FNTB: variants seen among roughly 807,000 people sequenced by gnomAD.
FNTB encodes the protein protein farnesyltransferase subunit beta.
Under a neutral mutation model 59.4 loss-of-function variants are expected in FNTB, and 27 were observed. The observed-to-expected ratio is 0.45, with a 90% CI of 0.34 to 0.63. The LOEUF (loss-of-function observed/expected upper bound fraction) is 0.63, where lower values mean the gene tolerates loss of function less well. Ranked by LOEUF, FNTB falls within the 20% of genes least tolerant of loss-of-function variation. FNTB has a pLI of 0.02. For missense variants in FNTB, 449 were observed against 559.6 expected (o/e 0.80, Z 1.99); for synonymous variants, 230 against 220.7 (o/e 1.04, Z -0.37).
intron 3 of FNTB, among the ~76,000 whole-genome samples, chr14:65,013,747 C>T (rs1268495124): frequency 6.6e-6 from 1 of 152,144 alleles, no homozygotes; most frequent in Non-Finnish European, 1.5e-5. Flanking sequence ...AGGGTTTCAC[C>T]ATATTGGCCA....
rs1000210670 is a variant in FNTB, at chr14:64,991,292, TAGAG to T, written c.144+4199_144+4202del. Among the ~76,000 whole-genome samples, 18 of 152,218 alleles carry T rather than the reference TAGAG, an allele frequency of 1.2e-4. No homozygotes were observed. The highest frequency in any genetic ancestry group is 3.9e-4 in the East Asian group (2 of 5,182). ...CCCTGCCCTCAAAATTCTTTTATCT[TAGAG>T]AGATAAAAAAGAATATGCTGTAAGG... On this transcript the variant is annotated intron_variant, in intron 1 of 11. Transcript: ENST00000246166. This position sits in a 1 kb window ranked among gnomAD's most constrained non-coding sequence, Gnocchi z 4.4.
At chr14:64,999,853 C>T (rs1327662655) in intron 1 of FNTB, among the ~76,000 whole-genome samples, 2 of 152,190 alleles carry the variant, frequency 1.3e-5, no homozygotes, top group African/African-American at 2.4e-5. Flanking sequence ...ATCACTTGTT[C>T]ATTCTGAAGA....
Position 65,028,789 on chromosome 14 carries a change from C to A in FNTB, c.605+1008C>A, listed in dbSNP as rs980048207. Reference sequence around the variant, plus strand: ...TGAGGTAAATCAGTATGTGTTGATTCTTCTTAAGGAAAATGTTAAAAGAGT... The same window carrying A: ...TGAGGTAAATCAGTATGTGTTGATTATTCTTAAGGAAAATGTTAAAAGAGT... On this transcript the variant is annotated intron_variant, in intron 6 of 11. Coordinates refer to ENST00000246166, the MANE Select transcript of FNTB (RefSeq NM_002028.4). This position sits in a 1 kb window ranked among gnomAD's most constrained non-coding sequence, Gnocchi z 4.4. 5.3e-5 allele frequency among the ~76,000 whole-genome samples: 8 copies of A among 152,174 alleles called. No homozygotes were observed. Among genetic ancestry groups the A allele is most frequent in the Non-Finnish European group, 7.3e-5 (5 of 68,032 alleles).
chr14:64,998,959 T>A (rs966085707), intron 1 of FNTB, among the ~76,000 whole-genome samples: 2 of 152,224 alleles, frequency 1.3e-5, no homozygotes, highest in African/African-American at 2.4e-5. Context: ...ATGTGATAGA[T>A]CTACACAGTG....
rs974091031 is a variant in FNTB at position 65,012,918 on chromosome 14, A to G, written c.282+529A>G. ...TTTCTATACTGACTAGAGGACCAGTATAGAGAGTGGTCCTTGCAATTTAAC... is the reference window on the plus strand; with the variant it reads ...TTTCTATACTGACTAGAGGACCAGTGTAGAGAGTGGTCCTTGCAATTTAAC... On this transcript the variant is annotated intron_variant, in intron 3 of 11. Coordinates refer to ENST00000246166, the MANE Select transcript of FNTB (RefSeq NM_002028.4). The surrounding 1 kb of genome is among the most constrained non-coding windows in gnomAD (Gnocchi z 5.0). 6.6e-6 allele frequency among the ~76,000 whole-genome samples: 1 copy of G among 152,210 alleles called. No individual in the cohort carries two copies. Among genetic ancestry groups the G allele is most frequent in the Non-Finnish European group, 1.5e-5 (1 of 68,038 alleles).
chr14:65,035,189 G>GCCCTGAC (rs1462055119), intron 7 of FNTB, among the ~76,000 whole-genome samples: 1 of 152,144 alleles, frequency 6.6e-6, no homozygotes, highest in East Asian at 1.9e-4. Context: ...TTGGCTGCCC[G>GCCCTGAC]CCCTGACCCC....
chr14:64,988,797 A>G (rs967018036), intron 1 of FNTB, among the ~76,000 whole-genome samples: 1 of 152,150 alleles, frequency 6.6e-6, no homozygotes, highest in Non-Finnish European at 1.5e-5. Flanking sequence ...TTTCTTTTTC[A>G]TGTTGTTATT....
intron 4 of FNTB, among the ~76,000 whole-genome samples, chr14:65,018,852 T>C (rs1341579040): frequency 6.7e-6 from 1 of 149,260 alleles, no homozygotes; most frequent in Non-Finnish European, 1.5e-5. Context: ...GGCTCACACC[T>C]GTAATCCCAG....
chr14:65,029,897 G>A lies in FNTB; in HGVS notation c.605+2116G>A, dbSNP rs377372997. On this transcript the variant is annotated intron_variant, in intron 6 of 11. Transcript: ENST00000246166. This position sits in a 1 kb window ranked among gnomAD's most constrained non-coding sequence, Gnocchi z 4.7. ...AGCCCTCTGGTTTCAGGGCTGGAGGGAGAGAGAGCAGGAAGACTGATCCAG... is the reference window on the plus strand; with the variant it reads ...AGCCCTCTGGTTTCAGGGCTGGAGGAAGAGAGAGCAGGAAGACTGATCCAG... 3.9e-5 allele frequency among the ~76,000 whole-genome samples: 6 copies of A among 152,224 alleles called. No individual in the cohort carries two copies. Among genetic ancestry groups the A allele is most frequent in the East Asian group, 1.9e-4 (1 of 5,202 alleles).
chr14:65,024,635 C>G (rs567024504), intron 4 of FNTB, among the ~76,000 whole-genome samples: 4 of 152,302 alleles, frequency 2.6e-5, no homozygotes, highest in Non-Finnish European at 4.4e-5. Flanking sequence ...AGCTTTCAGT[C>G]ATATTCTAAA....
intron 11 of FNTB, among the ~76,000 whole-genome samples, chr14:65,059,091 T>C (rs950180405): frequency 6.6e-6 from 1 of 152,172 alleles, no homozygotes; most frequent in Non-Finnish European, 1.5e-5. Context: ...GCTGTGATCA[T>C]AGCTCACTGC....
At chr14:65,052,353 G>A (rs2062635410) in intron 9 of FNTB, among the ~76,000 whole-genome samples, 2 of 152,146 alleles carry the variant, frequency 1.3e-5, no homozygotes, top group Non-Finnish European at 2.9e-5. Flanking sequence ...GCTTTCAGGT[G>A]CCATTTACCA....
intron 9 of FNTB, among the ~76,000 whole-genome samples, chr14:65,045,376 T>A (rs1777136608): frequency 1.3e-5 from 2 of 151,502 alleles, no homozygotes; most frequent in Non-Finnish European, 2.9e-5. Context: ...CTCCCCATAC[T>A]TTTTTTTCCT....
chr14:64,986,914 C>T lies in FNTB; in HGVS notation c.-40C>T. On this transcript the variant is annotated 5_prime_UTR_variant, in exon 1 of 12. It adds an upstream start codon to the 5' untranslated region. Transcript: ENST00000246166. ...AGTTTCAATGCGCGTTGTTGCTTAA[C>T]GAAGCAGAGTCCTACACACTGTCTG... 1 of 1,611,706 alleles carries T rather than the reference C, an allele frequency of 6.2e-7. No homozygotes were observed. The highest frequency in any genetic ancestry group is 8.5e-7 in the Non-Finnish European group (1 of 1,177,916).
chr14:65,043,966 A>T (rs191158271), intron 8 of FNTB, among the ~76,000 whole-genome samples: 117 of 152,216 alleles, frequency 7.7e-4, no homozygotes, highest in African/African-American at 2.7e-3. Flanking sequence ...TTCCAACTTA[A>T]GCCATGTTTA....
At chr14:65,055,243 G>C (rs117920206) in intron 11 of FNTB, among the ~76,000 whole-genome samples, 5 of 152,202 alleles carry the variant, frequency 3.3e-5, no homozygotes, top group Non-Finnish European at 5.9e-5. Flanking sequence ...ATGAGGGCAG[G>C]ATGCTCACTG....
intron 11 of FNTB, among the ~76,000 whole-genome samples, chr14:65,060,284 A>G (rs1299916999): frequency 2.6e-5 from 4 of 152,012 alleles, no homozygotes; most frequent in Non-Finnish European, 5.9e-5. Flanking sequence ...CACAGGTACA[A>G]ATACACTTTT....
Position 65,032,613 on chromosome 14 carries a change from C to T in FNTB, c.609C>T (p.Ser203=), listed in dbSNP as rs776927907. ...TTTCCCGTTTCTGTCTTTCCAGAAG[C>T]GCATACTGTGCTGCCTCCGTAGCCT... ...MHVGGEVDVR[S]AYCAASVASL... Residue 203 remains serine (S), a synonymous_variant, in exon 7 of 12, where the codon AGC becomes AGT. Transcript: ENST00000246166. This position sits in a 1 kb window ranked among gnomAD's most constrained non-coding sequence, Gnocchi z 5.0. The T allele has an allele frequency of 1.3e-5, 21 of 1,613,516 alleles. No individual in the cohort carries two copies. The highest frequency in any genetic ancestry group is 3.3e-5 in the Admixed American group (2 of 59,964).
chr14:65,048,581 G>A (rs2062539241), intron 9 of FNTB, among the ~76,000 whole-genome samples: 1 of 152,160 alleles, frequency 6.6e-6, no homozygotes. Flanking sequence ...TGCTGGACAT[G>A]GTGGTTCATG....
Sources: allele counts gnomAD v4.1 joint callset (sites outside exome capture counted in the v4.1 genomes callset), GRCh38; gene constraint gnomAD v4.1.1; non-coding constraint Gnocchi (gnomAD v3.1); transcripts MANE v1.5; gene names NCBI Gene and HGNC (gene_info 2026-07-23, HGNC 2026-07-21).